ENPEP: variants seen among roughly 807,000 people sequenced by gnomAD.
The protein encoded by ENPEP is AP-A.
In ENPEP, 103 loss-of-function variants were observed where a neutral mutation model predicts 114.5. That is an observed-to-expected ratio of 0.90 (90% CI 0.77 to 1.06). The LOEUF (loss-of-function observed/expected upper bound fraction) is 1.06, where lower values mean the gene tolerates loss of function less well. Among genes scored for constraint, ENPEP ranks in the 50% least tolerant of loss-of-function variants. The pLI, the probability that ENPEP is intolerant of heterozygous loss-of-function variation, is 0.00. For synonymous variants in ENPEP, 420 were observed against 422.0 expected, an observed-to-expected ratio of 1.00 and a Z score of 0.06; for missense variants, 1,196 against 1,161.3, an observed-to-expected ratio of 1.03 and a Z score of -0.43.
intron 1 of ENPEP, 129 bp from the exon 2 acceptor site, chr4:110,488,412 G>T (rs1422856002): frequency 8.1e-7 from 1 of 1,234,764 alleles, no homozygotes; most frequent in Admixed American, 3.6e-5. Context: ...TCTTCTAGAT[G>T]GAACCTCATT....
At chr4:110,516,154 G>T (rs879421345) in intron 8 of ENPEP, among the ~76,000 whole-genome samples, 2 of 152,108 alleles carry the variant, frequency 1.3e-5, no homozygotes, top group Non-Finnish European at 2.9e-5. Flanking sequence ...TATTAGATTA[G>T]AAAAGATCAA....
intron 1 of ENPEP, among the ~76,000 whole-genome samples, chr4:110,478,890 T>C (rs1304077503): frequency 1.3e-5 from 2 of 152,246 alleles, no homozygotes; most frequent in African/African-American, 4.8e-5. Flanking sequence ...TACCTCTTTG[T>C]ATGTGCATCT....
chr4:110,558,568 T>A (rs756346433), intron 18 of ENPEP, among the ~76,000 whole-genome samples: 6 of 152,160 alleles, frequency 3.9e-5, no homozygotes, highest in Non-Finnish European at 8.8e-5. Context: ...GTGCTGGGAT[T>A]ACAGGCGTGA....
chr4:110,549,786 AACT>A lies in ENPEP; in HGVS notation c.2404_2406del (p.Tyr802del), dbSNP rs534120741. ...GAACTCTGGCAATGAGATTTCATGGAACTACACTCTTGAGCAATACCAGAAAAC... is the reference window on the plus strand; with the variant it reads ...GAACTCTGGCAATGAGATTTCATGGAACACTCTTGAGCAATACCAGAAAAC... On this transcript the variant is annotated inframe_deletion, in exon 17 of 20. Coordinates refer to ENST00000265162, the MANE Select transcript of ENPEP (RefSeq NM_001977.4). The A allele has an allele frequency of 1.5e-3, 2,375 of 1,613,490 alleles. 3 individuals carry two copies. The highest frequency in any genetic ancestry group is 1.8e-3 in the Non-Finnish European group (2,125 of 1,179,628).
intron 8 of ENPEP, among the ~76,000 whole-genome samples, chr4:110,516,956 G>A (rs1274461846): frequency 3.3e-5 from 5 of 151,858 alleles, no homozygotes; most frequent in South Asian, 2.1e-4. Context: ...TATTATTATT[G>A]TTATTGAGAC....
At chr4:110,510,638 G>C (rs1725541130) in intron 6 of ENPEP, among the ~76,000 whole-genome samples, 1 of 149,276 alleles carries the variant, frequency 6.7e-6, no homozygotes, top group South Asian at 2.1e-4. Flanking sequence ...AGGTGGCATA[G>C]AAAATGTTAA....
At chr4:110,488,342 A>AT (rs1422981897) in intron 1 of ENPEP, among the ~76,000 whole-genome samples, 199 bp from the exon 2 acceptor site, 2 of 152,216 alleles carry the variant, frequency 1.3e-5, no homozygotes, top group African/African-American at 4.8e-5. Flanking sequence ...CTGACTCAGA[A>AT]TTTTTTAAAA....
In ENPEP at chr4:110,532,178, A is replaced by G. The variant is rs538276556; in HGVS notation, c.1807+901A>G. On this transcript the variant is annotated intron_variant, in intron 11 of 19. Transcript: ENST00000265162. ...AAAATTCACCTATTTAAAGTGTACA[A>G]TCCAGTGTTTTTTAGTGTATTCACA... 8.2e-4 allele frequency among the ~76,000 whole-genome samples: 125 copies of G among 152,250 alleles called. 6 individuals carry two copies. In the South Asian group the frequency reaches 0.025, roughly 31 times the overall value.
In ENPEP at chr4:110,479,141, A is replaced by T. The variant is rs1228382062; in HGVS notation, c.644+2083A>T. On this transcript the variant is annotated intron_variant, in intron 1 of 19. Coordinates refer to ENST00000265162, the MANE Select transcript of ENPEP (RefSeq NM_001977.4). ...AGAGACTCTTTTAGTACTTTTCTGG[A>T]CATAGATAGCTGTGGCATAATTATA... 3.9e-5 allele frequency among the ~76,000 whole-genome samples: 6 copies of T among 152,292 alleles called. No homozygotes were observed. In the East Asian group the frequency reaches 1.2e-3, roughly 29 times the overall value.
chr4:110,539,509 G>A (rs1726770967), intron 11 of ENPEP, among the ~76,000 whole-genome samples: 1 of 151,990 alleles, frequency 6.6e-6, no homozygotes, highest in African/African-American at 2.4e-5. Context: ...AATATATTTT[G>A]CATGTCATTA....
chr4:110,495,106 C>T (rs1357956921), intron 3 of ENPEP, among the ~76,000 whole-genome samples: 1 of 152,088 alleles, frequency 6.6e-6, no homozygotes, highest in Non-Finnish European at 1.5e-5. Context: ...AACAATATCC[C>T]CAATAAGCAT....
In ENPEP at chr4:110,561,402, C is replaced by G; in HGVS notation, c.2722-4C>G. 1 of 1,613,340 alleles carries G rather than the reference C, an allele frequency of 6.2e-7. No individual in the cohort carries two copies. Among genetic ancestry groups the G allele is most frequent in the East Asian group, 2.2e-5 (1 of 44,862 alleles). On this transcript the variant is annotated splice_polypyrimidine_tract_variant and splice_region_variant and intron_variant, in intron 19 of 19. Coordinates refer to ENST00000265162, the MANE Select transcript of ENPEP (RefSeq NM_001977.4). ...AATCCTAATTACTCCCCTCTCTTTT[C>G]TAGATGGAGAGCTTTTTTGCAAAAT... is the stretch of plus-strand genomic sequence containing the variant.
At chr4:110,507,883 G>A (rs971938254) in intron 4 of ENPEP, among the ~76,000 whole-genome samples, 2 of 152,198 alleles carry the variant, frequency 1.3e-5, no homozygotes, top group Non-Finnish European at 1.5e-5. Flanking sequence ...GCTGAGGTGG[G>A]AGGATCACTT....
intron 13 of ENPEP, among the ~76,000 whole-genome samples, chr4:110,544,500 A>G (rs1380480325): frequency 1.3e-5 from 2 of 152,150 alleles, no homozygotes; most frequent in Non-Finnish European, 2.9e-5. Context: ...ACTATATTAC[A>G]GTATACCACT....
chr4:110,514,928 C>T (rs2110358415), intron 7 of ENPEP, among the ~76,000 whole-genome samples: 1 of 152,122 alleles, frequency 6.6e-6, no homozygotes, highest in African/African-American at 2.4e-5. Context: ...CCAGATAATT[C>T]CTTGACTATC....
In ENPEP at chr4:110,535,777, G is replaced by A. The variant is rs573504947; in HGVS notation, c.1807+4500G>A. Among the ~76,000 whole-genome samples the A allele has an allele frequency of 4.6e-5, 7 of 152,114 alleles. No individual in the cohort carries two copies. The South Asian group carries it at 8.3e-4, about 18-fold the overall frequency. On this transcript the variant is annotated intron_variant, in intron 11 of 19. Transcript: ENST00000265162. ...CAAGGCAGGTGGATCGCCTGAGGTCGGGAGTTCGAGACCAGCCTGACCAAC... is the reference window on the plus strand; with the variant it reads ...CAAGGCAGGTGGATCGCCTGAGGTCAGGAGTTCGAGACCAGCCTGACCAAC...
At chr4:110,507,326 C>A (rs918690534) in intron 4 of ENPEP, among the ~76,000 whole-genome samples, 8 of 152,086 alleles carry the variant, frequency 5.3e-5, no homozygotes, top group Non-Finnish European at 7.4e-5. Flanking sequence ...GGGGCTACAA[C>A]CAAAATGGTG....
chr4:110,479,017 G>A (rs150534911), intron 1 of ENPEP, among the ~76,000 whole-genome samples: 9 of 152,192 alleles, frequency 5.9e-5, no homozygotes, highest in East Asian at 5.8e-4. Flanking sequence ...AATAATACAC[G>A]TTTATTGAAG....
intron 6 of ENPEP, 30 bp downstream of exon 6, chr4:110,510,388 T>C: frequency 6.4e-7 from 1 of 1,555,384 alleles, no homozygotes; most frequent in Non-Finnish European, 8.9e-7. Flanking sequence ...ACTTGAAATC[T>C]CTCTTTTCCT....
Sources: allele counts gnomAD v4.1 joint callset (sites outside exome capture counted in the v4.1 genomes callset), GRCh38; gene constraint gnomAD v4.1.1; transcripts MANE v1.5; gene names NCBI Gene and HGNC (gene_info 2026-07-23, HGNC 2026-07-21).